The following PCDHA1 variants were observed in gnomAD, a reference collection of about 807,000 sequenced individuals.
PCDHA1 encodes the protein protocadherin alpha-1.
A neutral mutation model predicts 61.3 loss-of-function variants in PCDHA1; 42 were observed. That is an observed-to-expected ratio of 0.69 (90% CI 0.54 to 0.89). The LOEUF is 0.89. PCDHA1 is among the 40% of genes least tolerant of loss of function. The pLI is 0.00. For synonymous variants in PCDHA1, 610 were observed against 553.8 expected (o/e 1.10, Z -1.43); for missense variants, 1,256 against 1,235.3 (o/e 1.02, Z -0.25).
chr5:141,010,016 CT>C lies in PCDHA1; in HGVS notation c.*84del. 1 of 1,572,200 alleles carries C rather than the reference CT, an allele frequency of 6.4e-7. No homozygotes were observed. The highest frequency in any genetic ancestry group is 8.6e-7 in the Non-Finnish European group (1 of 1,163,240). On this transcript the variant is annotated 3_prime_UTR_variant, in exon 4 of 4. Transcript: ENST00000504120. Reference sequence around the variant, plus strand: ...TCTCCCATGTAGCAATTCCCTGCTCCTTTTTCCTATCTACATGAGCCCTCTT... The same window carrying C: ...TCTCCCATGTAGCAATTCCCTGCTCCTTTTCCTATCTACATGAGCCCTCTT...
rs2150150437 is a variant in PCDHA1, at chr5:140,828,053, G to A, written c.2394+39369G>A. ...ACATACAGTATTTTATCTTTATGCG[G>A]AAGATCTTCTAATGGAAATAAAACC... On this transcript the variant is annotated intron_variant, in intron 1 of 3. Transcript: ENST00000504120. 4,837 of 1,547,680 alleles carry A rather than the reference G, an allele frequency of 3.1e-3. 12 individuals are homozygous for A. The highest frequency in any genetic ancestry group is 4.7e-3 in the Admixed American group (229 of 48,892).
intron 1 of PCDHA1, among the ~76,000 whole-genome samples, chr5:140,833,040 A>T (rs1043958176): frequency 3.9e-5 from 6 of 152,216 alleles, no homozygotes; most frequent in Non-Finnish European, 8.8e-5. Context: ...TGTGATATAA[A>T]GCAAGAAAAG....
At chr5:140,862,753 A>C (rs2047525211) in intron 1 of PCDHA1, 1 of 577,638 alleles carries the variant, frequency 1.7e-6, no homozygotes, top group Non-Finnish European at 3.3e-6. Context: ...GCACGCGGAG[A>C]GCGGCAAGAG....
At chr5:141,007,329 TTGCCTGAGCTCAG>T (rs1554261175) in intron 3 of PCDHA1, among the ~76,000 whole-genome samples, 2 of 149,734 alleles carry the variant, frequency 1.3e-5, no homozygotes. Context: ...AGTGGACAGA[TTGCCTGAGCTCAG>T]GAGTTCGAGA....
At chr5:140,796,792 G>GT in intron 1 of PCDHA1, 1 of 1,614,160 alleles carries the variant, frequency 6.2e-7, no homozygotes, top group South Asian at 1.1e-5. Context: ...GCTTTCGTAC[G>GT]AGCTTCAGCT....
intron 1 of PCDHA1, chr5:140,841,218 C>T: frequency 7.0e-7 from 1 of 1,431,458 alleles, no homozygotes; most frequent in Non-Finnish European, 9.4e-7. Flanking sequence ...CTCTAAAGGC[C>T]GAACAACGGG....
intron 1 of PCDHA1, chr5:140,858,539 T>G: frequency 7.1e-7 from 1 of 1,399,640 alleles, no homozygotes; most frequent in Admixed American, 2.0e-5. Context: ...TTTGTCTACA[T>G]TCCATTTATG....
intron 3 of PCDHA1, among the ~76,000 whole-genome samples, chr5:140,985,438 C>T (rs1438547429): frequency 2.0e-5 from 3 of 152,038 alleles, no homozygotes; most frequent in Non-Finnish European, 2.9e-5. Flanking sequence ...TTAGTTGCTG[C>T]CTGAAGAAAA....
chr5:140,927,980 G>A, intron 1 of PCDHA1: 2 of 1,614,220 alleles, frequency 1.2e-6, no homozygotes, highest in Non-Finnish European at 1.7e-6. Flanking sequence ...GCTCTCTTTA[G>A]TGTAAAGGAT....
chr5:140,918,991 G>A (rs1453656237), intron 1 of PCDHA1, among the ~76,000 whole-genome samples: 2 of 152,184 alleles, frequency 1.3e-5, no homozygotes, highest in African/African-American at 4.8e-5. Flanking sequence ...GGTTTTTAGT[G>A]TTGTTCACAT....
At chr5:140,829,466 G>C (rs2150168443) in intron 1 of PCDHA1, 1 of 1,613,882 alleles carries the variant, frequency 6.2e-7, no homozygotes, top group East Asian at 2.2e-5. Context: ...CGCGCAGCCC[G>C]AGTACACAGT....
intron 3 of PCDHA1, among the ~76,000 whole-genome samples, chr5:140,996,915 A>G (rs1167259941): frequency 6.6e-6 from 1 of 152,244 alleles, no homozygotes; most frequent in Non-Finnish European, 1.5e-5. Flanking sequence ...TGAAGTAAAT[A>G]TTAAAAAATA....
At chr5:140,901,906 G>T (rs1275600408) in intron 1 of PCDHA1, among the ~76,000 whole-genome samples, 1 of 151,902 alleles carries the variant, frequency 6.6e-6, no homozygotes, top group Non-Finnish European at 1.5e-5. Context: ...TCATTGTGGA[G>T]ATCTTTCACT....
chr5:140,795,872 G>T (rs368109410), intron 1 of PCDHA1: 1 of 1,613,958 alleles, frequency 6.2e-7, no homozygotes, highest in Non-Finnish European at 8.5e-7. Context: ...GGGGAAATCA[G>T]AACTAAGGGA....
At chr5:140,803,020 C>T (rs1274408864) in intron 1 of PCDHA1, 1 of 1,613,916 alleles carries the variant, frequency 6.2e-7, no homozygotes, top group African/African-American at 1.3e-5. Flanking sequence ...GCGTGGCTTT[C>T]GTATGAGCTG....
chr5:140,933,695 G>A lies in PCDHA1; in HGVS notation c.2395-45254G>A, dbSNP rs575994908. On this transcript the variant is annotated intron_variant, in intron 1 of 3. Coordinates refer to ENST00000504120, the MANE Select transcript of PCDHA1 (RefSeq NM_018900.4). ...TCTCACATTTTTTTTCCTATTCCTCGGACACATTTACTGAGATTGGTGATA... is the reference window on the plus strand; with the variant it reads ...TCTCACATTTTTTTTCCTATTCCTCAGACACATTTACTGAGATTGGTGATA... Among the ~76,000 whole-genome samples the A allele has an allele frequency of 1.8e-4, 27 of 151,494 alleles. 1 individual carries two copies. The South Asian group carries it at 3.7e-3, about 21-fold the overall frequency.
At chr5:140,800,710 T>C (rs1406177117) in intron 1 of PCDHA1, among the ~76,000 whole-genome samples, 1 of 152,206 alleles carries the variant, frequency 6.6e-6, no homozygotes, top group African/African-American at 2.4e-5. Context: ...TGTGATAATT[T>C]AACGGGATAA....
At position 140,851,173 on chromosome 5, in the gene PCDHA1, A is replaced by C. The variant is rs1392883501; in HGVS notation, c.2394+62489A>C. Reference sequence around the variant, plus strand: ...ATTTCTGATGCTATGCTGCCATAACACTTGAAAACCAATTTAGTTGTTAGT... The same window carrying C: ...ATTTCTGATGCTATGCTGCCATAACCCTTGAAAACCAATTTAGTTGTTAGT... On this transcript the variant is annotated intron_variant, in intron 1 of 3. Coordinates refer to ENST00000504120, the MANE Select transcript of PCDHA1 (RefSeq NM_018900.4). The C allele has an allele frequency of 5.1e-5, 64 of 1,267,254 alleles. 8 individuals carry two copies. The highest frequency in any genetic ancestry group is 6.0e-5 in the Non-Finnish European group (59 of 985,446). 78.5% of individuals were successfully genotyped at this position (1,267,254 alleles called of 1,614,324 possible).
intron 1 of PCDHA1, chr5:140,841,784 G>A (rs1777488668): frequency 6.2e-7 from 1 of 1,613,812 alleles, no homozygotes; most frequent in African/African-American, 1.3e-5. Context: ...GTTTCCGCTA[G>A]AGGGCGCGTC....
Sources: allele counts gnomAD v4.1 joint callset (sites outside exome capture counted in the v4.1 genomes callset), GRCh38; gene constraint gnomAD v4.1.1; transcripts MANE v1.5; gene names NCBI Gene and HGNC (gene_info 2026-07-23, HGNC 2026-07-21).